The following SFSWAP variants were observed in gnomAD, a reference collection of about 807,000 sequenced individuals.
SFSWAP encodes splicing factor SWAP.
In SFSWAP, 17 loss-of-function variants were observed where a neutral mutation model predicts 100.7. That is an observed-to-expected ratio of 0.17 (90% confidence interval 0.12 to 0.25). SFSWAP has a LOEUF of 0.25. Ranked by LOEUF, SFSWAP falls within the 10% of genes least tolerant of loss-of-function variation. SFSWAP has a pLI of 1.00. For missense variants in SFSWAP, 1,005 were observed against 1,262.6 expected (o/e 0.80, Z 3.09); for synonymous variants, 504 against 510.1 (o/e 0.99, Z 0.16).
rs1417723849 is a variant in SFSWAP, at chr12:131,778,756, A to G, written c.2408+426A>G. 1.3e-5 allele frequency among the ~76,000 whole-genome samples: 2 copies of G among 152,020 alleles called. No homozygotes were observed. The highest frequency in any genetic ancestry group is 2.9e-5 in the Non-Finnish European group (2 of 67,996). Reference sequence around the variant, plus strand: ...TGGTCTTAAACTCCTGACCTCAGGTAATCCACCCACCTTGGCCTCCCAGAG... The same window carrying G: ...TGGTCTTAAACTCCTGACCTCAGGTGATCCACCCACCTTGGCCTCCCAGAG... On this transcript the variant is annotated intron_variant, in intron 14 of 17. Coordinates refer to ENST00000261674, the MANE Select transcript of SFSWAP (RefSeq NM_004592.4). This position sits in a 1 kb window ranked among gnomAD's most constrained non-coding sequence, Gnocchi z 4.2.
intron 14 of SFSWAP, among the ~76,000 whole-genome samples, chr12:131,782,876 T>C (rs187133387): frequency 1.2e-4 from 18 of 152,278 alleles, no homozygotes; most frequent in East Asian, 3.9e-4. Flanking sequence ...AGGTAGTATT[T>C]AGTGTCTTTT....
intron 15 of SFSWAP, among the ~76,000 whole-genome samples, chr12:131,790,572 A>G (rs1593193725): frequency 6.6e-6 from 1 of 152,192 alleles, no homozygotes; most frequent in African/African-American, 2.4e-5. Flanking sequence ...GGCTGAGTGG[A>G]TCTCTTGAGC....
At chr12:131,762,352 A>G (rs1231106662) in intron 11 of SFSWAP, among the ~76,000 whole-genome samples, 1 of 152,232 alleles carries the variant, frequency 6.6e-6, no homozygotes, top group Non-Finnish European at 1.5e-5. Context: ...TCAAGGCTGC[A>G]ATAAGCTATG....
chr12:131,747,614 ATGGAGGGCAGGAGGTGCTGCAGC>A (rs1218727675), intron 7 of SFSWAP, among the ~76,000 whole-genome samples: 17 of 152,236 alleles, frequency 1.1e-4, no homozygotes, highest in African/African-American at 3.9e-4. Flanking sequence ...GGCTGTACAC[ATGGAGGGCAGGAGGTGCTGCAGC>A]TGGAGGGCAG....
intron 9 of SFSWAP, 42 bp downstream of exon 9, chr12:131,754,541 G>A: frequency 4.3e-6 from 6 of 1,405,858 alleles, no homozygotes; most frequent in Non-Finnish European, 4.7e-6. Context: ...TGGCATTTGG[G>A]GGTTTCGTTT....
intron 11 of SFSWAP, 128 bp downstream of exon 11, chr12:131,756,772 T>TTCACCACAGCAACCTCCAG: frequency 1.3e-6 from 1 of 776,442 alleles, no homozygotes; most frequent in Non-Finnish European, 2.0e-6. Context: ...CCCTGGAGGT[T>TTCACCACAGCAACCTCCAG]GCTGTGGTGA....
intron 7 of SFSWAP, among the ~76,000 whole-genome samples, chr12:131,735,182 C>G (rs1174045314): frequency 6.6e-6 from 1 of 152,118 alleles, no homozygotes; most frequent in Non-Finnish European, 1.5e-5. Context: ...AAATCAAGTC[C>G]CCACAACCTC....
chr12:131,759,642 A>AC (rs369702768), intron 11 of SFSWAP, among the ~76,000 whole-genome samples: 1 of 122,960 alleles, frequency 8.1e-6, no homozygotes, highest in Non-Finnish European at 1.7e-5. Context: ...TACTAAAAAT[A>AC]AAAAAAAAAT....
At chr12:131,775,721 T>A (rs919650270) in intron 13 of SFSWAP, among the ~76,000 whole-genome samples, 3 of 152,180 alleles carry the variant, frequency 2.0e-5, no homozygotes, top group South Asian at 2.1e-4. Context: ...TCCTGACTAA[T>A]GCCAGAGTGG....
intron 13 of SFSWAP, among the ~76,000 whole-genome samples, chr12:131,768,532 A>G (rs1883307205): frequency 6.6e-6 from 1 of 152,160 alleles, no homozygotes; most frequent in Non-Finnish European, 1.5e-5. Flanking sequence ...GGAGGGGAGA[A>G]TTAGAAGAGC....
At chr12:131,773,400 T>TA (rs138246940) in intron 13 of SFSWAP, among the ~76,000 whole-genome samples, 4,859 of 151,968 alleles carry the variant, frequency 0.032, 209 homozygotes, top group African/African-American at 0.1. Flanking sequence ...AATGCAGTGG[T>TA]ACCATCACAG....
rs1879662287 is a variant in SFSWAP, at chr12:131,733,086, T to C, written c.1081+4658T>C. Among the ~76,000 whole-genome samples the C allele has an allele frequency of 6.6e-6, 1 of 152,198 alleles. No homozygotes were observed. The highest frequency in any genetic ancestry group is 2.4e-5 in the African/African-American group (1 of 41,450). On this transcript the variant is annotated intron_variant, in intron 7 of 17. Transcript: ENST00000261674. This position sits in a 1 kb window ranked among gnomAD's most constrained non-coding sequence, Gnocchi z 5.1. ...ATGCCCCACAATGAAACCAGAGCCCTGTGGCCCGCGTTTCAGACCACTGCC... is the reference window on the plus strand; with the variant it reads ...ATGCCCCACAATGAAACCAGAGCCCCGTGGCCCGCGTTTCAGACCACTGCC...
chr12:131,745,513 G>T (rs1350141574), intron 7 of SFSWAP, among the ~76,000 whole-genome samples: 1 of 152,218 alleles, frequency 6.6e-6, no homozygotes, highest in Non-Finnish European at 1.5e-5. Flanking sequence ...CCTCATTCTT[G>T]AGAATGCAGA....
intron 15 of SFSWAP, 33 bp from the exon 16 acceptor site, chr12:131,797,144 AG>A: frequency 6.3e-7 from 1 of 1,587,698 alleles, no homozygotes; most frequent in Non-Finnish European, 8.6e-7. Context: ...TTTAAACCAA[AG>A]CTGCATCTCT....
intron 14 of SFSWAP, chr12:131,785,413 A>T (rs1884822329): frequency 3.9e-6 from 2 of 514,962 alleles, no homozygotes; most frequent in Admixed American, 7.2e-5. Context: ...ATTGTCATGA[A>T]AATGATTCAA....
intron 4 of SFSWAP, among the ~76,000 whole-genome samples, chr12:131,720,448 T>A (rs993996359): frequency 2.0e-5 from 3 of 152,208 alleles, no homozygotes; most frequent in Admixed American, 2.0e-4. Flanking sequence ...GTTGAAAATC[T>A]TTTTGTTGTG....
At chr12:131,759,801 C>CAAAAAAAAAAAAAAAAAA (rs1217940125) in intron 11 of SFSWAP, among the ~76,000 whole-genome samples, 1 of 86,746 alleles carries the variant, frequency 1.2e-5, no homozygotes, top group Non-Finnish European at 2.4e-5. Flanking sequence ...GACTCCGTCT[C>CAAAAAAAAAAAAAAAAAA]AAAAAAAAAA....
intron 7 of SFSWAP, among the ~76,000 whole-genome samples, chr12:131,731,986 T>G (rs1228639537): frequency 7.2e-6 from 1 of 138,160 alleles, no homozygotes; most frequent in African/African-American, 2.6e-5. Flanking sequence ...CTCGGCTCAC[T>G]GCAGCCTCCA....
In SFSWAP at chr12:131,756,498, C is replaced by T. The variant is rs752065749; in HGVS notation, c.1574C>T (p.Pro525Leu). The change falls in exon 11 of 18, where the codon CCC becomes CTC. Residue 525 changes from proline to leucine, a missense_variant. Pro to Leu is a moderately conservative substitution (Grantham distance 98, BLOSUM62 -3). This residue lies in a region of SFSWAP where 311 missense variants were observed against 317.8 expected (regional missense o/e 0.98). Coordinates refer to ENST00000261674, the MANE Select transcript of SFSWAP (RefSeq NM_004592.4). ...MQAVSAPEEA[P>L]TDSAPEKPSD... ...GCTGTGTCTGCACCAGAAGAGGCTCCCACAGACTCTGCTCCCGAGAAGCCA... is the reference window on the plus strand; with the variant it reads ...GCTGTGTCTGCACCAGAAGAGGCTCTCACAGACTCTGCTCCCGAGAAGCCA... The T allele has an allele frequency of 6.2e-7, 1 of 1,614,066 alleles. No individual in the cohort carries two copies. Among genetic ancestry groups the T allele is most frequent in the South Asian group, 1.1e-5 (1 of 91,082 alleles).
Sources: allele counts gnomAD v4.1 joint callset (sites outside exome capture counted in the v4.1 genomes callset), GRCh38; gene constraint gnomAD v4.1.1; regional missense constraint gnomAD v4.1.1; non-coding constraint Gnocchi (gnomAD v3.1); transcripts MANE v1.5; gene names NCBI Gene and HGNC (gene_info 2026-07-23, HGNC 2026-07-21).